HS6ST3: variants seen among roughly 807,000 people sequenced by gnomAD.
HS6ST3 encodes heparan-sulfate 6-O-sulfotransferase 3.
HS6ST3 carries 12 observed loss-of-function variants against 36.7 expected under a neutral mutation model. The ratio of observed to expected loss-of-function variants is 0.33; its 90% CI spans 0.21 to 0.53. The LOEUF (loss-of-function observed/expected upper bound fraction) is 0.53, where lower values mean the gene tolerates loss of function less well. Among genes scored for constraint, HS6ST3 ranks in the 20% least tolerant of loss-of-function variants. The probability of loss-of-function intolerance (pLI) is 0.95; values close to 1 mark genes in which losing one functional copy is unlikely to be tolerated. For missense variants in HS6ST3, 584 were observed against 640.9 expected (o/e 0.91, Z 0.96); for synonymous variants, 240 against 257.5 (o/e 0.93, Z 0.65).
intron 1 of HS6ST3, among the ~76,000 whole-genome samples, chr13:96,431,870 A>T (rs1006275399): frequency 6.6e-6 from 1 of 152,182 alleles, no homozygotes; most frequent in Non-Finnish European, 1.5e-5. Context: ...ACAATCGGTT[A>T]TTTGTTTTAT....
At chr13:96,166,021 G>GTTAT (rs143510611) in intron 1 of HS6ST3, among the ~76,000 whole-genome samples, 6,052 of 144,726 alleles carry the variant, frequency 0.042, 141 homozygotes, top group East Asian at 0.062. Context: ...GGTGGAAGGG[G>GTTAT]TTATTTATTT....
intron 1 of HS6ST3, among the ~76,000 whole-genome samples, chr13:96,162,529 T>G (rs1276672218): frequency 6.6e-6 from 1 of 152,198 alleles, no homozygotes; most frequent in Non-Finnish European, 1.5e-5. Context: ...CTAGAAACTT[T>G]AAGTCTGGAA....
At chr13:96,208,936 C>CT (rs1040022375) in intron 1 of HS6ST3, among the ~76,000 whole-genome samples, 1 of 152,144 alleles carries the variant, frequency 6.6e-6, no homozygotes. Context: ...TAGCAGGCAC[C>CT]TTTTTTTGGG....
At chr13:96,389,348 C>T (rs567600551) in intron 1 of HS6ST3, among the ~76,000 whole-genome samples, 8 of 152,124 alleles carry the variant, frequency 5.3e-5, no homozygotes, top group African/African-American at 1.7e-4. Flanking sequence ...ATGTACCCCA[C>T]AACATCATGT....
At chr13:96,243,806 T>A (rs1026900734) in intron 1 of HS6ST3, among the ~76,000 whole-genome samples, 1 of 152,160 alleles carries the variant, frequency 6.6e-6, no homozygotes, top group Non-Finnish European at 1.5e-5. Flanking sequence ...ACACCTATAT[T>A]TGACTTATCT....
At chr13:96,578,493 G>A (rs973817862) in intron 1 of HS6ST3, among the ~76,000 whole-genome samples, 1 of 152,198 alleles carries the variant, frequency 6.6e-6, no homozygotes, top group Non-Finnish European at 1.5e-5. Flanking sequence ...AATGTTTTCT[G>A]CCGTTTCCTT....
At chr13:96,596,602 C>A (rs527667764) in intron 1 of HS6ST3, among the ~76,000 whole-genome samples, 39 of 152,242 alleles carry the variant, frequency 2.6e-4, no homozygotes, top group African/African-American at 8.9e-4. Flanking sequence ...TTTCCCTTTT[C>A]ACTACATCCG....
chr13:96,639,449 A>G (rs532715348), intron 1 of HS6ST3, among the ~76,000 whole-genome samples: 1 of 151,952 alleles, frequency 6.6e-6, no homozygotes, highest in Non-Finnish European at 1.5e-5. Flanking sequence ...AAAGCATGTA[A>G]TGGGATTATA....
chr13:96,239,469 CG>C (rs988212479), intron 1 of HS6ST3, among the ~76,000 whole-genome samples: 2 of 152,108 alleles, frequency 1.3e-5, no homozygotes, highest in African/African-American at 4.8e-5. Flanking sequence ...GCAATTATAA[CG>C]GGTGGTTTAA....
chr13:96,791,998 G>A (rs1877803326), intron 1 of HS6ST3, among the ~76,000 whole-genome samples: 2 of 151,974 alleles, frequency 1.3e-5, no homozygotes, highest in Non-Finnish European at 1.5e-5. Flanking sequence ...ATATATGAAT[G>A]TGTTCATGCA....
At chr13:96,222,938 G>A (rs2054462997) in intron 1 of HS6ST3, among the ~76,000 whole-genome samples, 1 of 152,132 alleles carries the variant, frequency 6.6e-6, no homozygotes, top group Admixed American at 6.5e-5. Flanking sequence ...GATATGACCT[G>A]GTAAAAGGTG....
chr13:96,831,969 A>AAAAAAAAAAAAAC (rs1878801217), intron 1 of HS6ST3, among the ~76,000 whole-genome samples: 1 of 147,894 alleles, frequency 6.8e-6, no homozygotes, highest in Admixed American at 6.8e-5. Context: ...AAAAAAAAAA[A>AAAAAAAAAAAAAC]AAAAAAAAAA....
intron 1 of HS6ST3, chr13:96,574,295 ATCAAACGT>A (rs1734072668): frequency 2.6e-6 from 1 of 384,990 alleles, no homozygotes; most frequent in Non-Finnish European, 5.1e-6. Flanking sequence ...GGAAAAAGGC[ATCAAACGT>A]ACCGCCTCAT....
At chr13:96,421,118 A>C (rs1453646926) in intron 1 of HS6ST3, among the ~76,000 whole-genome samples, 1 of 152,218 alleles carries the variant, frequency 6.6e-6, no homozygotes, top group African/African-American at 2.4e-5. Flanking sequence ...TTGCATATTA[A>C]AGCTAATAAC....
intron 1 of HS6ST3, among the ~76,000 whole-genome samples, chr13:96,364,736 C>CT (rs1340476594): frequency 1.3e-5 from 2 of 152,022 alleles, no homozygotes; most frequent in African/African-American, 4.8e-5. Flanking sequence ...GAAGTGTACG[C>CT]TTAAAAATAA....
intron 1 of HS6ST3, among the ~76,000 whole-genome samples, chr13:96,164,317 G>A (rs1481123095): frequency 6.6e-6 from 1 of 152,084 alleles, no homozygotes; most frequent in Non-Finnish European, 1.5e-5. Flanking sequence ...TCTCGACTTG[G>A]CCAAGGAAGG....
intron 1 of HS6ST3, among the ~76,000 whole-genome samples, chr13:96,782,578 C>A (rs770251968): frequency 1.3e-5 from 2 of 152,120 alleles, no homozygotes; most frequent in Admixed American, 6.6e-5. Flanking sequence ...AAATGTGATG[C>A]TCTTTCATGA....
At chr13:96,497,436 ATTAGT>A (rs1268335720) in intron 1 of HS6ST3, among the ~76,000 whole-genome samples, 3 of 152,204 alleles carry the variant, frequency 2.0e-5, no homozygotes, top group Non-Finnish European at 2.9e-5. Context: ...TCAATGACTT[ATTAGT>A]TTAAAGTACT....
At chr13:96,686,660 T>G (rs611277) in intron 1 of HS6ST3, among the ~76,000 whole-genome samples, 149,839 of 152,118 alleles carry the variant, frequency 0.99, 73,836 homozygotes, top group Middle Eastern at 1. Flanking sequence ...AAACAGAAAG[T>G]TTTACTGACA....
Sources: gnomAD v4.1 joint callset for allele counts (sites outside exome capture counted in the v4.1 genomes callset) on GRCh38, gnomAD v4.1.1 for gene constraint, MANE v1.5 for transcripts, NCBI Gene and HGNC (gene_info 2026-07-23, HGNC 2026-07-21) for gene names.